PRRC2C: variants seen among roughly 807,000 people sequenced by gnomAD.
PRRC2C encodes proline rich coiled-coil 2C.
Under a neutral mutation model 317.2 loss-of-function variants are expected in PRRC2C, and 72 were observed. The observed-to-expected ratio is 0.23, with a 90% CI of 0.19 to 0.28. The LOEUF (loss-of-function observed/expected upper bound fraction) is 0.28, where lower values mean the gene tolerates loss of function less well. Ranked by LOEUF, PRRC2C falls within the 10% of genes least tolerant of loss-of-function variation. The pLI is 1.00. For missense variants in PRRC2C, 3,074 were observed against 3,459.7 expected (o/e 0.89, Z 2.80); for synonymous variants, 1,296 against 1,205.9 (o/e 1.07, Z -1.55).
rs1680862059 is a variant in PRRC2C at position 171,554,090 on chromosome 1, G to A, written c.5128-3150G>A. ...GGTGTTAAAGTCTCCCATTAGTATT[G>A]TGTGGGAGTCTAAGTCTCTTTGTAG... On this transcript the variant is annotated intron_variant, in intron 18 of 34. Transcript: ENST00000647382. Among the ~76,000 whole-genome samples the A allele has an allele frequency of 1.3e-5, 2 of 152,142 alleles. 1 individual carries two copies. The highest frequency in any genetic ancestry group is 4.1e-4 in the South Asian group (2 of 4,830).
Position 171,577,657 on chromosome 1 carries a change from A to G in PRRC2C, c.7159+20A>G, listed in dbSNP as rs1174950915. 6.3e-7 allele frequency: 1 copy of G among 1,592,978 alleles called. No homozygotes were observed. The highest frequency in any genetic ancestry group is 1.7e-5 in the Admixed American group (1 of 59,852). ...CAGCAGGTAATGTTTTTAGGCTTGA[A>G]TATAAGGAATTTAGAAAATGAAGAC... On this transcript the variant is annotated intron_variant, in intron 26 of 34. Coordinates refer to ENST00000647382, the MANE Select transcript of PRRC2C (RefSeq NM_001387844.1).
chr1:171,515,583 G>A, intron 4 of PRRC2C, 151 bp from the exon 5 acceptor site: 1 of 619,840 alleles, frequency 1.6e-6, no homozygotes, highest in Non-Finnish European at 2.6e-6. Flanking sequence ...AGGAGTCTAG[G>A]TGAATTTTAA....
At chr1:171,552,037 G>A (rs1304990017) in intron 18 of PRRC2C, among the ~76,000 whole-genome samples, 2 of 152,276 alleles carry the variant, frequency 1.3e-5, no homozygotes, top group East Asian at 1.9e-4. Context: ...CATTGAATCT[G>A]TAAATTACCT....
Position 171,557,638 on chromosome 1 carries a change from A to C in PRRC2C, c.5526A>C (p.Pro1842=). Residue 1842 remains proline (P), a synonymous_variant, in exon 19 of 35, where the codon CCA becomes CCC. Coordinates refer to ENST00000647382, the MANE Select transcript of PRRC2C (RefSeq NM_001387844.1). ...SSSAPASAPA[P]TPILASVSTP... ...CAGCTCCAGCCTCAGCCCCAGCTCCAACCCCCATCCTTGCCTCAGTTTCAA... is the reference window on the plus strand; with the variant it reads ...CAGCTCCAGCCTCAGCCCCAGCTCCCACCCCCATCCTTGCCTCAGTTTCAA... 6.4e-7 allele frequency: 1 copy of C among 1,550,830 alleles called. No individual in the cohort carries two copies.
chr1:171,488,289 A>G (rs1333970905), intron 1 of PRRC2C, among the ~76,000 whole-genome samples: 2 of 152,240 alleles, frequency 1.3e-5, no homozygotes, highest in Non-Finnish European at 1.5e-5. Flanking sequence ...ACACACTTTC[A>G]TTTCGGTAAA....
At chr1:171,513,284 A>G (rs923812851) in intron 3 of PRRC2C, 112 bp downstream of exon 3, 5 of 1,134,074 alleles carry the variant, frequency 4.4e-6, no homozygotes, top group Non-Finnish European at 5.0e-6. Context: ...CATATTACAT[A>G]TTTTATACTC....
rs959334237 is a variant in PRRC2C, at chr1:171,575,477, G to A, written c.6955+349G>A. ...AGGTGCTGTTGGCCTAAACCTGTTG[G>A]GATAACGTATTTTCTGGTAAAGACT... On this transcript the variant is annotated intron_variant, in intron 25 of 34. Transcript: ENST00000647382. Among the ~76,000 whole-genome samples, 3 of 152,260 alleles carry A rather than the reference G, an allele frequency of 2.0e-5. No individual in the cohort carries two copies. The South Asian group carries it at 6.2e-4, about 32-fold the overall frequency.
rs116094026 is a variant in PRRC2C at position 171,499,819 on chromosome 1, G to T, written c.-57-12213G>T. Reference sequence around the variant, plus strand: ...ACTCAAAAAAAGACGAAACAGAAAAGGGAGCAATGGCAAGAAGAGACAGAA... The same window carrying T: ...ACTCAAAAAAAGACGAAACAGAAAATGGAGCAATGGCAAGAAGAGACAGAA... On this transcript the variant is annotated intron_variant, in intron 1 of 34. Coordinates refer to ENST00000647382, the MANE Select transcript of PRRC2C (RefSeq NM_001387844.1). Among the ~76,000 whole-genome samples, 496 of 152,228 alleles carry T rather than the reference G, an allele frequency of 3.3e-3. 4 individuals carry two copies. Among genetic ancestry groups the T allele is most frequent in the African/African-American group, 0.011 (463 of 41,542 alleles).
chr1:171,486,280 G>C (rs1666082645), intron 1 of PRRC2C, among the ~76,000 whole-genome samples: 1 of 151,912 alleles, frequency 6.6e-6, no homozygotes, highest in Non-Finnish European at 1.5e-5. Flanking sequence ...GGCTCTTCGG[G>C]GAATCAAGAC....
chr1:171,589,317 T>C (rs867426740), intron 33 of PRRC2C, 52 bp from the exon 34 acceptor site: 4 of 705,976 alleles, frequency 5.7e-6, no homozygotes, highest in Non-Finnish European at 8.0e-6. Context: ...AGTTTTTTTT[T>C]TTTTTTTTTT....
rs533744870 is a variant in PRRC2C at position 171,525,089 on chromosome 1, A to T, written c.1200+124A>T. 1.7e-5 allele frequency: 14 copies of T among 814,488 alleles called. No homozygotes were observed. In the South Asian group the frequency reaches 4.6e-4, roughly 27 times the overall value. 50.5% of individuals were successfully genotyped at this position (814,488 alleles called of 1,614,324 possible). A position where few individuals can be genotyped will look rare whatever the true frequency, so the allele number is the denominator to read the frequency against. ...GGGACTTAGAAAAAGGAAACTGTGTATTTTTTTCTTGAATAGTCTTGAATC... is the reference window on the plus strand; with the variant it reads ...GGGACTTAGAAAAAGGAAACTGTGTTTTTTTTTCTTGAATAGTCTTGAATC... On this transcript the variant is annotated intron_variant, in intron 10 of 34. Coordinates refer to ENST00000647382, the MANE Select transcript of PRRC2C (RefSeq NM_001387844.1).
At position 171,592,372 on chromosome 1, in the gene PRRC2C, C is replaced by T. The variant is rs1298873309; in HGVS notation, c.*525C>T. On this transcript the variant is annotated 3_prime_UTR_variant, in exon 35 of 35. Coordinates refer to ENST00000647382, the MANE Select transcript of PRRC2C (RefSeq NM_001387844.1). Reference sequence around the variant, plus strand: ...GGAGCCTTATTTTTTATTATGGCAGCTTGCTATTTTTATAACATGGTGATT... The same window carrying T: ...GGAGCCTTATTTTTTATTATGGCAGTTTGCTATTTTTATAACATGGTGATT... The T allele has an allele frequency of 6.6e-6, 1 of 152,498 alleles. No homozygotes were observed. Among genetic ancestry groups the T allele is most frequent in the Non-Finnish European group, 1.5e-5 (1 of 68,350 alleles). The allele number at this position is 152,498 out of a possible 1,614,324, so 9.4% of individuals were successfully genotyped here. A position where few individuals can be genotyped will look rare whatever the true frequency, so the allele number is the denominator to read the frequency against.
In PRRC2C at chr1:171,541,349, C is replaced by T. The variant is rs1677908284; in HGVS notation, c.3883C>T (p.Pro1295Ser). The part of the protein sequence containing the change: ...KGKLPKREER[P>S]ENKKPVKPHS... ...CAAACTTCCCAAAAGAGAGGAACGGCCTGAAAACAAAAAACCTGTAAAGCC... is the reference window on the plus strand; with the variant it reads ...CAAACTTCCCAAAAGAGAGGAACGGTCTGAAAACAAAAAACCTGTAAAGCC... The change falls in exon 16 of 35, where the codon CCT (proline) becomes TCT (serine). Residue 1295 changes from proline to serine, a missense_variant. Transcript: ENST00000647382. This position sits in a 1 kb window ranked among gnomAD's most constrained non-coding sequence, Gnocchi z 4.1. 3 of 1,611,518 alleles carry T rather than the reference C, an allele frequency of 1.9e-6. No homozygotes were observed. The East Asian group carries it at 6.7e-5, about 36-fold the overall frequency.
Position 171,556,440 on chromosome 1 carries a change from A to G in PRRC2C, c.5128-800A>G, listed in dbSNP as rs762222857. On this transcript the variant is annotated intron_variant, in intron 18 of 34. Transcript: ENST00000647382. ...CTCCGTGGGCTGCACCCACTGTCCA[A>G]CCAGTCCCAGTGAGATGAACCAGGT... is the stretch of plus-strand genomic sequence containing the variant. 6.4e-4 allele frequency among the ~76,000 whole-genome samples: 97 copies of G among 152,056 alleles called. 1 individual carries two copies. Among genetic ancestry groups the G allele is most frequent in the Non-Finnish European group, 2.2e-4 (15 of 68,004 alleles).
intron 16 of PRRC2C, 50 bp downstream of exon 16, chr1:171,542,279 A>G: frequency 7.1e-7 from 1 of 1,400,468 alleles, no homozygotes; most frequent in Non-Finnish European, 9.5e-7. Flanking sequence ...TAAAGAAGCT[A>G]AAAGTAGAGT....
chr1:171,514,523 A>AT lies in PRRC2C; in HGVS notation c.291-4dup, dbSNP rs200071125. 752 of 1,481,676 alleles carry AT rather than the reference A, an allele frequency of 5.1e-4. No homozygotes were observed. The highest frequency in any genetic ancestry group is 5.8e-4 in the Non-Finnish European group (628 of 1,091,334). The allele number at this position is 1,481,676 out of a possible 1,614,324, so 91.8% of individuals were successfully genotyped here. ...ACAGTATCTGAAATAATGGATTCAT[A>AT]TTTTTTTTTAAGAACACCAGAAGTG... On this transcript the variant is annotated splice_polypyrimidine_tract_variant and intron_variant, in intron 3 of 34. Transcript: ENST00000647382.
In PRRC2C at chr1:171,505,247, C is replaced by T. The variant is rs546343386; in HGVS notation, c.-57-6785C>T. ...TTCTCCATGTTGGTCAGGCTAGTTT[C>T]GAACTCCCAACCTTAGGTGATCCAC... On this transcript the variant is annotated intron_variant, in intron 1 of 34. Transcript: ENST00000647382. 1.2e-3 allele frequency among the ~76,000 whole-genome samples: 181 copies of T among 152,236 alleles called. 3 individuals carry two copies. The Middle Eastern group carries it at 0.014, about 11-fold the overall frequency.
chr1:171,582,109 G>A (rs775527877), intron 28 of PRRC2C, among the ~76,000 whole-genome samples: 14 of 152,086 alleles, frequency 9.2e-5, no homozygotes, highest in African/African-American at 3.4e-4. Flanking sequence ...TTGAGGCTAG[G>A]CCATTTATAT....
chr1:171,494,812 T>G (rs1240851607), intron 1 of PRRC2C, among the ~76,000 whole-genome samples: 1 of 151,946 alleles, frequency 6.6e-6, no homozygotes, highest in Non-Finnish European at 1.5e-5. Flanking sequence ...GATTTCTCTT[T>G]GTAAGAGTTA....
Sources: gnomAD v4.1 joint callset for allele counts (sites outside exome capture counted in the v4.1 genomes callset) on GRCh38, gnomAD v4.1.1 for gene constraint, Gnocchi (gnomAD v3.1) non-coding constraint, MANE v1.5 for transcripts, NCBI Gene and HGNC (gene_info 2026-07-23, HGNC 2026-07-21) for gene names.